Variants in JAK1 observed in about 807,000 individuals in gnomAD.
JAK1 encodes Janus kinase 1.
Under a neutral mutation model 136.6 loss-of-function variants are expected in JAK1, and 16 were observed. The ratio of observed to expected loss-of-function variants is 0.12; its 90% CI spans 0.08 to 0.18. The LOEUF (loss-of-function observed/expected upper bound fraction) is 0.18. Among genes scored for constraint, JAK1 ranks in the 10% least tolerant of loss-of-function variants. JAK1 has a pLI of 1.00. For synonymous variants in JAK1, 492 were observed against 519.5 expected (o/e 0.95, Z 0.72); for missense variants, 859 against 1,450.1 (o/e 0.59, Z 6.62).
At chr1:64,999,119 C>T (rs1365540803) in intron 2 of JAK1, among the ~76,000 whole-genome samples, 1 of 152,134 alleles carries the variant, frequency 6.6e-6, no homozygotes, top group African/African-American at 2.4e-5. Context: ...GAAGACAGTG[C>T]CCTTCACTGG....
intron 5 of JAK1, among the ~76,000 whole-genome samples, chr1:64,871,846 T>C (rs1040063308): frequency 1.3e-5 from 2 of 152,242 alleles, no homozygotes; most frequent in Non-Finnish European, 2.9e-5. Flanking sequence ...AGTGTACTCT[T>C]GGACCCAGCA....
At chr1:64,909,955 C>T (rs1570753190) in intron 1 of JAK1, among the ~76,000 whole-genome samples, 1 of 152,292 alleles carries the variant, frequency 6.6e-6, no homozygotes, top group Middle Eastern at 3.4e-3. Flanking sequence ...CTCTCTTTAG[C>T]CCTGTTCTGG....
chr1:64,841,442 A>C lies in JAK1; in HGVS notation c.2554+9T>G, dbSNP rs1478706896. 4 of 1,614,194 alleles carry C rather than the reference A, an allele frequency of 2.5e-6. No homozygotes were observed. The African/African-American group carries it at 5.3e-5, about 22-fold the overall frequency. On this transcript the variant is annotated intron_variant, in intron 18 of 24. Coordinates refer to ENST00000342505, the MANE Select transcript of JAK1 (RefSeq NM_002227.4). ...AAGCTGGGTTAAAGCAGCACATGGC[A>C]GGTCTTACTCTGCTCTTCAAGCTTA...
intron 1 of JAK1, among the ~76,000 whole-genome samples, chr1:64,918,086 C>G (rs1471115956): frequency 2.0e-5 from 3 of 152,164 alleles, no homozygotes; most frequent in African/African-American, 7.2e-5. Context: ...GACATATACA[C>G]TGGTAGAAAG....
intron 1 of JAK1, among the ~76,000 whole-genome samples, chr1:64,952,082 A>T (rs1646101764): frequency 6.6e-6 from 1 of 152,234 alleles, no homozygotes; most frequent in African/African-American, 2.4e-5. Flanking sequence ...CCAATTTAAC[A>T]CATAAAGTAT....
intron 2 of JAK1, among the ~76,000 whole-genome samples, chr1:64,986,256 C>A (rs894043540): frequency 6.6e-6 from 1 of 152,004 alleles, no homozygotes; most frequent in Admixed American, 6.6e-5. Flanking sequence ...TAGGTGTGCA[C>A]AACCACACCC....
intron 2 of JAK1, among the ~76,000 whole-genome samples, chr1:65,018,482 G>C (rs1213058931): frequency 3.7e-5 from 5 of 134,138 alleles, no homozygotes; most frequent in Admixed American, 8.1e-5. Flanking sequence ...GAGAGAGAGA[G>C]AGAGAACACA....
At chr1:64,938,210 T>A (rs544979853) in intron 1 of JAK1, among the ~76,000 whole-genome samples, 85 of 151,884 alleles carry the variant, frequency 5.6e-4, no homozygotes, top group Admixed American at 2.0e-3. Context: ...AAAGTTTTTT[T>A]TAAAAAAAAG....
chr1:65,032,648 G>A lies in JAK1; in HGVS notation c.-78+11832C>T, dbSNP rs558774115. On this transcript the variant is annotated intron_variant, in intron 2 of 25. Transcript: ENST00000671954. Reference sequence around the variant, plus strand: ...CATACGTGAATCCTGAGGGACAGCAGGATTGTTTAGGGAGAAATCAGTGGG... The same window carrying A: ...CATACGTGAATCCTGAGGGACAGCAAGATTGTTTAGGGAGAAATCAGTGGG... Among the ~76,000 whole-genome samples the A allele has an allele frequency of 9.8e-5, 15 of 152,294 alleles. No homozygotes were observed. In the South Asian group the frequency reaches 2.5e-3, roughly 25 times the overall value.
At chr1:65,067,522 G>A (rs1042677494) in intron 1 of JAK1, 3 of 145,206 alleles carry the variant, frequency 2.1e-5, no homozygotes, top group African/African-American at 7.5e-5. Flanking sequence ...GCGGCCGCAC[G>A]CCCCACGCAG....
intron 1 of JAK1, among the ~76,000 whole-genome samples, chr1:64,901,511 C>A (rs1401664923): frequency 6.6e-6 from 1 of 152,114 alleles, no homozygotes; most frequent in Admixed American, 6.5e-5. Flanking sequence ...TACAGTATGT[C>A]AAGTAAGGTC....
At chr1:64,908,069 C>G (rs1223549982) in intron 1 of JAK1, among the ~76,000 whole-genome samples, 3 of 152,168 alleles carry the variant, frequency 2.0e-5, no homozygotes, top group African/African-American at 7.2e-5. Context: ...ACAAAGTAGA[C>G]TACTGACCTC....
At chr1:64,993,807 G>A (rs968278218) in intron 2 of JAK1, among the ~76,000 whole-genome samples, 51 of 152,082 alleles carry the variant, frequency 3.4e-4, no homozygotes, top group Middle Eastern at 3.4e-3. Context: ...CATCACGCCC[G>A]GCTAATTTTT....
intron 1 of JAK1, among the ~76,000 whole-genome samples, chr1:64,895,163 C>G (rs1191618822): frequency 6.6e-6 from 1 of 152,166 alleles, no homozygotes; most frequent in African/African-American, 2.4e-5. Flanking sequence ...TGCTGACAGC[C>G]ATGCTTAAAA....
intron 8 of JAK1, among the ~76,000 whole-genome samples, chr1:64,862,140 G>A (rs757215145): frequency 1.3e-5 from 2 of 152,218 alleles, no homozygotes; most frequent in Admixed American, 6.5e-5. Context: ...ACGAGGGCAT[G>A]AGATTCTAAA....
chr1:65,056,137 TTC>T (rs142168488), intron 1 of JAK1, among the ~76,000 whole-genome samples: 1,808 of 152,342 alleles, frequency 0.012, 26 homozygotes, highest in African/African-American at 0.041. Context: ...CTTCCAGAGT[TTC>T]TGTCAGAAAT....
intron 20 of JAK1, among the ~76,000 whole-genome samples, chr1:64,839,035 A>C (rs900942266): frequency 6.7e-6 from 1 of 149,324 alleles, no homozygotes; most frequent in Non-Finnish European, 1.5e-5. Context: ...AGTCCCAGCT[A>C]CTCGGGAGGC....
At chr1:64,890,914 C>T (rs1421500478) in intron 1 of JAK1, among the ~76,000 whole-genome samples, 2 of 152,160 alleles carry the variant, frequency 1.3e-5, no homozygotes, top group African/African-American at 4.8e-5. Context: ...GCGTCTCCAC[C>T]GACTAGCTAT....
At chr1:64,865,524 C>T (rs1026022772) in intron 7 of JAK1, among the ~76,000 whole-genome samples, 2 of 152,164 alleles carry the variant, frequency 1.3e-5, no homozygotes, top group African/African-American at 4.8e-5. Flanking sequence ...CCCTGGAGAC[C>T]AGAGATCTAG....
Sources: gnomAD v4.1 joint callset for allele counts (sites outside exome capture counted in the v4.1 genomes callset) on GRCh38, gnomAD v4.1.1 for gene constraint, MANE v1.5 for transcripts, NCBI Gene and HGNC (gene_info 2026-07-23, HGNC 2026-07-21) for gene names.